The following CNGB1 variants were observed in gnomAD, a reference collection of about 807,000 sequenced individuals.
CNGB1 encodes the protein cyclic nucleotide-gated channel beta-1.
CNGB1 carries 126 observed loss-of-function variants against 151.7 expected under a neutral mutation model. That is an observed-to-expected ratio of 0.83 (90% CI 0.72 to 0.96). The LOEUF (loss-of-function observed/expected upper bound fraction) is 0.96. Ranked by LOEUF, CNGB1 falls within the 40% of genes least tolerant of loss-of-function variation. The pLI is 0.00. For missense variants in CNGB1, 1,698 were observed against 1,627.0 expected (o/e 1.04, Z -0.75); for synonymous variants, 623 against 635.1 (o/e 0.98, Z 0.29).
Position 57,904,840 on chromosome 16 carries a change from A to G in CNGB1, c.2528T>C (p.Leu843Pro). ...IRCYYFAVKT[L>P]ITIGGLPDPK... The stretch of plus-strand genomic sequence containing the variant: ...GTCAGGCAGCCCCCCGATGGTGATG[A>G]GGGTCTTCACAGCAAAGTAGTAACA... The change falls in exon 26 of 33, where the codon CTC (leucine) becomes CCC (proline). Residue 843 changes from leucine (L) to proline (P), a missense_variant. Leu to Pro is a moderately conservative substitution (Grantham distance 98, BLOSUM62 -3). Coordinates refer to ENST00000251102, the MANE Select transcript of CNGB1 (RefSeq NM_001297.5). 1 of 1,614,202 alleles carries G rather than the reference A, an allele frequency of 6.2e-7. No homozygotes were observed. The highest frequency in any genetic ancestry group is 8.5e-7 in the Non-Finnish European group (1 of 1,180,040).
chr16:57,909,884 C>T (rs961241193), intron 25 of CNGB1, among the ~76,000 whole-genome samples: 2 of 152,186 alleles, frequency 1.3e-5, no homozygotes, highest in African/African-American at 4.8e-5. Flanking sequence ...ACCTTGGGAA[C>T]TCCCATCTGC....
chr16:57,904,116 G>C (rs1162844447), intron 26 of CNGB1, 135 bp from the exon 27 acceptor site: 2 of 729,036 alleles, frequency 2.7e-6, no homozygotes, highest in African/African-American at 3.5e-5. Flanking sequence ...AGGGGGGTAG[G>C]CAGATGTCCT....
intron 22 of CNGB1, among the ~76,000 whole-genome samples, chr16:57,915,643 A>C (rs1235126038): frequency 6.6e-6 from 1 of 152,202 alleles, no homozygotes; most frequent in Non-Finnish European, 1.5e-5. Flanking sequence ...TTATGCCTGT[A>C]ATCCCAGCAG....
At chr16:57,893,577 C>T (rs1332236026) in intron 31 of CNGB1, among the ~76,000 whole-genome samples, 3 of 152,124 alleles carry the variant, frequency 2.0e-5, no homozygotes, top group Non-Finnish European at 2.9e-5. Context: ...GCGGGCAGAT[C>T]GCCTGAGGTC....
At chr16:57,899,402 G>A (rs1404319553) in intron 29 of CNGB1, among the ~76,000 whole-genome samples, 1 of 152,210 alleles carries the variant, frequency 6.6e-6, no homozygotes, top group African/African-American at 2.4e-5. Context: ...TACTTTGGGA[G>A]GCCAAGGCGG....
At chr16:57,933,347 T>C (rs1202233492) in intron 16 of CNGB1, among the ~76,000 whole-genome samples, 2 of 152,202 alleles carry the variant, frequency 1.3e-5, no homozygotes, top group African/African-American at 4.8e-5. Context: ...TATGTCCTTG[T>C]TCTTGTACAT....
rs1211396678 is a variant in CNGB1, at chr16:57,882,833, A to G, written c.*1331T>C. 3 of 147,344 alleles carry G rather than the reference A, an allele frequency of 2.0e-5. No homozygotes were observed. The highest frequency in any genetic ancestry group is 2.0e-4 in the East Asian group (1 of 5,046). The allele number at this position is 147,344 out of a possible 1,614,324, so 9.1% of individuals were successfully genotyped here. ...TTTTTGTCTGAATCATAAAAGCAAC[A>G]TGACACGATCTGGAAAGCTTTAGGG... is the stretch of plus-strand genomic sequence containing the variant. On this transcript the variant is annotated 3_prime_UTR_variant, in exon 33 of 33. Transcript: ENST00000251102.
Position 57,887,860 on chromosome 16 carries a change from C to G in CNGB1, c.3457G>C (p.Glu1153Gln). 1 of 1,614,078 alleles carries G rather than the reference C, an allele frequency of 6.2e-7. No homozygotes were observed. Residue 1153 changes from glutamate to glutamine, a missense_variant, in exon 32 of 33, where the codon GAA becomes CAA. By Grantham distance (29) the Glu-to-Gln change is conservative. Transcript: ENST00000251102. The stretch of plus-strand genomic sequence containing the variant: ...TGGGTTCCCAACCACATTACCTGTT[C>G]CACCAACTCTTGCTGCTTTGCAGCC... ...EAAAKQQELVEQAKSSQDVKG... is the reference protein window; with the variant it reads ...EAAAKQQELVQQAKSSQDVKG...
intron 16 of CNGB1, among the ~76,000 whole-genome samples, chr16:57,936,159 G>C (rs1301483222): frequency 6.6e-6 from 1 of 152,190 alleles, no homozygotes; most frequent in Non-Finnish European, 1.5e-5. Context: ...GCAGCCCAAA[G>C]GCCACTACGG....
rs140865914 is a variant in CNGB1 at position 57,911,692 on chromosome 16, C to T, written c.2492+61G>A. 215 of 1,607,780 alleles carry T rather than the reference C, an allele frequency of 1.3e-4. No individual in the cohort carries two copies. The East Asian group carries it at 1.3e-3, about 10-fold the overall frequency. ...ACTCCTTCCTGGAGTCTCTGTGCTG[C>T]GAATTATAAAGAACAGGAAGGTCAC... is the stretch of plus-strand genomic sequence containing the variant. On this transcript the variant is annotated intron_variant, in intron 25 of 32. Transcript: ENST00000251102.
rs139320476 is a variant in CNGB1 at position 57,943,771 on chromosome 16, C to T, written c.1122-3450G>A. ...CACACAGCCATTATGGAAAAGAATA[C>T]GGAAGTTCCACCAAAAGTTAAAAAT... is the stretch of plus-strand genomic sequence containing the variant. On this transcript the variant is annotated intron_variant, in intron 14 of 32. Transcript: ENST00000251102. Among the ~76,000 whole-genome samples the T allele has an allele frequency of 1.2e-4, 18 of 152,218 alleles. No homozygotes were observed. The East Asian group carries it at 3.1e-3, about 26-fold the overall frequency.
At chr16:57,940,536 A>G (rs1448251298) in intron 14 of CNGB1, among the ~76,000 whole-genome samples, 1 of 152,166 alleles carries the variant, frequency 6.6e-6, no homozygotes, top group Non-Finnish European at 1.5e-5. Context: ...AGGACATGCC[A>G]CAACTCTGCT....
chr16:57,936,806 A>AAC (rs1351444214), intron 16 of CNGB1, among the ~76,000 whole-genome samples: 1 of 152,060 alleles, frequency 6.6e-6, no homozygotes, highest in African/African-American at 2.4e-5. Flanking sequence ...AAACAAAAAA[A>AAC]AAACAAAAGA....
intron 14 of CNGB1, among the ~76,000 whole-genome samples, chr16:57,947,917 C>T (rs1361503139): frequency 6.6e-6 from 1 of 152,194 alleles, no homozygotes; most frequent in Non-Finnish European, 1.5e-5. Context: ...AGCGGGTACA[C>T]CACTTGCCCC....
chr16:57,904,252 TC>T (rs1264803548), intron 26 of CNGB1, among the ~76,000 whole-genome samples: 3 of 152,034 alleles, frequency 2.0e-5, no homozygotes, highest in African/African-American at 7.2e-5. Context: ...GGGGGAAAGC[TC>T]CTTGGGCTGG....
chr16:57,966,758 T>C (rs949018902), intron 2 of CNGB1, among the ~76,000 whole-genome samples: 17 of 152,228 alleles, frequency 1.1e-4, no homozygotes, highest in African/African-American at 4.1e-4. Flanking sequence ...GGGCCAAATC[T>C]AGGCTATTGC....
intron 14 of CNGB1, among the ~76,000 whole-genome samples, chr16:57,944,823 A>T (rs1257385781): frequency 6.6e-6 from 1 of 151,812 alleles, no homozygotes; most frequent in Non-Finnish European, 1.5e-5. Flanking sequence ...GCACAGTGGT[A>T]CATGCCTGTA....
intron 16 of CNGB1, among the ~76,000 whole-genome samples, chr16:57,936,795 C>CAAAAA (rs1181991556): frequency 1.0e-4 from 10 of 99,074 alleles, no homozygotes; most frequent in African/African-American, 6.6e-4. Flanking sequence ...AAAAAACAAA[C>CAAAAA]AAACAAAAAA....
intron 31 of CNGB1, among the ~76,000 whole-genome samples, chr16:57,893,317 C>A (rs540833169): frequency 1.3e-5 from 2 of 152,254 alleles, no homozygotes; most frequent in South Asian, 4.2e-4. Context: ...AGTGCAGTGG[C>A]ACGATCATAA....
Sources: allele counts gnomAD v4.1 joint callset (sites outside exome capture counted in the v4.1 genomes callset), GRCh38; gene constraint gnomAD v4.1.1; transcripts MANE v1.5; gene names NCBI Gene and HGNC (gene_info 2026-07-23, HGNC 2026-07-21).